The following MOXD1 variants were observed in gnomAD, a reference collection of about 807,000 sequenced individuals.
MOXD1 encodes the protein monooxygenase DBH like 1.
MOXD1 carries 62 observed loss-of-function variants against 66.6 expected under a neutral mutation model. The observed-to-expected ratio is 0.93, with a 90% CI of 0.76 to 1.15. The LOEUF (loss-of-function observed/expected upper bound fraction) is 1.15, where lower values mean the gene tolerates loss of function less well. Ranked by LOEUF, MOXD1 falls within the 50% of genes most tolerant of loss-of-function variation. The pLI is 0.00. For missense variants in MOXD1, 847 were observed against 754.6 expected (o/e 1.12, Z -1.44); for synonymous variants, 303 against 281.9 (o/e 1.07, Z -0.75).
At chr6:132,365,046 T>A (rs943690392) in intron 4 of MOXD1, among the ~76,000 whole-genome samples, 3 of 152,196 alleles carry the variant, frequency 2.0e-5, no homozygotes, top group African/African-American at 7.2e-5. Flanking sequence ...GAACCAGCTG[T>A]TCCCAAAACT....
intron 4 of MOXD1, among the ~76,000 whole-genome samples, chr6:132,368,049 C>T (rs1039369907): frequency 4.6e-5 from 7 of 151,938 alleles, no homozygotes; most frequent in African/African-American, 1.2e-4. Flanking sequence ...TGAGACACAT[C>T]ACATTTAAAC....
chr6:132,321,263 C>CAAAAAAAA (rs572511482), intron 8 of MOXD1, among the ~76,000 whole-genome samples: 1 of 145,574 alleles, frequency 6.9e-6, no homozygotes, highest in Non-Finnish European at 1.5e-5. Context: ...GACTCCATCT[C>CAAAAAAAA]AAAAAAAAAA....
chr6:132,383,993 C>A (rs181827119), intron 1 of MOXD1, among the ~76,000 whole-genome samples: 1 of 152,248 alleles, frequency 6.6e-6, no homozygotes, highest in Admixed American at 6.5e-5. Context: ...TCACTTGAAC[C>A]CGGGAGGTGG....
At chr6:132,353,488 C>T (rs989293823) in intron 4 of MOXD1, among the ~76,000 whole-genome samples, 6 of 152,220 alleles carry the variant, frequency 3.9e-5, no homozygotes, top group African/African-American at 7.2e-5. Context: ...GAAGATAAAG[C>T]CTCAATTCCT....
chr6:132,337,506 T>C (rs780943203), intron 4 of MOXD1, among the ~76,000 whole-genome samples: 20 of 152,232 alleles, frequency 1.3e-4, no homozygotes, highest in Admixed American at 6.5e-5. Flanking sequence ...CTCTACTACA[T>C]ACCAATATCT....
chr6:132,367,011 GAT>G (rs1414249468), intron 4 of MOXD1, among the ~76,000 whole-genome samples: 1 of 152,042 alleles, frequency 6.6e-6, no homozygotes, highest in African/African-American at 2.4e-5. Flanking sequence ...CAGAAGCATG[GAT>G]ATTTCATGGG....
chr6:132,373,133 T>C, intron 2 of MOXD1, 136 bp from the exon 3 acceptor site: 1 of 805,810 alleles, frequency 1.2e-6, no homozygotes, highest in Non-Finnish European at 1.8e-6. Context: ...GTTATCAACA[T>C]GGTCTCTAAT....
At chr6:132,317,949 CTATA>C (rs916881667) in intron 9 of MOXD1, among the ~76,000 whole-genome samples, 3 of 152,006 alleles carry the variant, frequency 2.0e-5, no homozygotes, top group African/African-American at 7.2e-5. Context: ...TAATATCACA[CTATA>C]TATATTCTGC....
chr6:132,385,599 T>G (rs1040832480), intron 1 of MOXD1, among the ~76,000 whole-genome samples: 2 of 151,704 alleles, frequency 1.3e-5, no homozygotes, highest in Admixed American at 6.6e-5. Context: ...TTCTCATGCC[T>G]CAGCCTCCCA....
chr6:132,360,598 C>G (rs978948729), intron 4 of MOXD1, among the ~76,000 whole-genome samples: 16 of 152,136 alleles, frequency 1.1e-4, no homozygotes, highest in African/African-American at 3.9e-4. Flanking sequence ...TCACTGCTTT[C>G]TCCTTTCTTC....
Position 132,328,567 on chromosome 6 carries a change from C to CA in MOXD1, c.690dup (p.Glu231Ter). 3 of 1,614,046 alleles carry CA rather than the reference C, an allele frequency of 1.9e-6. No individual in the cohort carries two copies. The highest frequency in any genetic ancestry group is 2.5e-6 in the Non-Finnish European group (3 of 1,179,988). ...AGCAGGATGTGGTGCACCAGACTCT[C>CA]ATGGCCTCTCTGTATCACTGGCTCA... On this transcript the variant is annotated frameshift_variant, in exon 5 of 12. Transcript: ENST00000367963. LOFTEE classifies it high-confidence loss of function.
At chr6:132,355,688 A>G (rs1333953941) in intron 4 of MOXD1, among the ~76,000 whole-genome samples, 1 of 152,192 alleles carries the variant, frequency 6.6e-6, no homozygotes, top group Non-Finnish European at 1.5e-5. Context: ...CCCAGGCACT[A>G]TTAGAAAGCT....
chr6:132,342,165 G>A (rs1462723400), intron 4 of MOXD1, among the ~76,000 whole-genome samples: 1 of 152,096 alleles, frequency 6.6e-6, no homozygotes, highest in Non-Finnish European at 1.5e-5. Context: ...ACAACACCCA[G>A]CTAATTTTGT....
chr6:132,400,461 TG>T (rs1776996912), intron 1 of MOXD1, among the ~76,000 whole-genome samples: 1 of 151,964 alleles, frequency 6.6e-6, no homozygotes, highest in Non-Finnish European at 1.5e-5. Flanking sequence ...ACAGGCAAGG[TG>T]GTTACTTAGG....
intron 4 of MOXD1, among the ~76,000 whole-genome samples, chr6:132,352,748 T>C (rs1478109582): frequency 6.6e-6 from 1 of 152,206 alleles, no homozygotes. Context: ...CCCTCATTAT[T>C]ATTGTGTTGC....
chr6:132,368,668 G>C (rs1776195825), intron 4 of MOXD1, among the ~76,000 whole-genome samples: 3 of 151,674 alleles, frequency 2.0e-5, no homozygotes, highest in Non-Finnish European at 4.4e-5. Context: ...TTTTTACATG[G>C]TTAAAATTTA....
At chr6:132,318,401 C>T (rs1182291452) in intron 9 of MOXD1, among the ~76,000 whole-genome samples, 1 of 151,996 alleles carries the variant, frequency 6.6e-6, no homozygotes, top group East Asian at 1.9e-4. Context: ...CAAAACATCT[C>T]ACTCTGGTTT....
chr6:132,344,132 T>C (rs1361302556), intron 4 of MOXD1, among the ~76,000 whole-genome samples: 1 of 152,248 alleles, frequency 6.6e-6, no homozygotes, highest in Non-Finnish European at 1.5e-5. Context: ...GTAGTATTAA[T>C]AGAAGTTAGG....
intron 1 of MOXD1, chr6:132,391,249 A>G (rs1303016450): frequency 1.4e-5 from 2 of 147,442 alleles, no homozygotes; most frequent in African/African-American, 4.9e-5. Context: ...TGGCGTCAAG[A>G]TTTTCTCACA....
Sources: allele counts gnomAD v4.1 joint callset (sites outside exome capture counted in the v4.1 genomes callset), GRCh38; gene constraint gnomAD v4.1.1; transcripts MANE v1.5; gene names NCBI Gene and HGNC (gene_info 2026-07-23, HGNC 2026-07-21).